PHLPP1: variants seen among roughly 807,000 people sequenced by gnomAD.
PHLPP1 encodes the protein PH domain leucine-rich repeat-containing protein phosphatase 1.
PHLPP1 carries 42 observed loss-of-function variants against 117.2 expected under a neutral mutation model. The ratio of observed to expected loss-of-function variants is 0.36; its 90% CI spans 0.28 to 0.46. The LOEUF (loss-of-function observed/expected upper bound fraction) is 0.46. Among genes scored for constraint, PHLPP1 ranks in the 20% least tolerant of loss-of-function variants. PHLPP1 has a pLI of 1.00. For missense variants in PHLPP1, 2,084 were observed against 2,241.9 expected (o/e 0.93, Z 1.42); for synonymous variants, 1,042 against 970.7 (o/e 1.07, Z -1.37).
chr18:62,868,449 C>T (rs1316596955), intron 4 of PHLPP1, among the ~76,000 whole-genome samples: 5 of 151,412 alleles, frequency 3.3e-5, no homozygotes, highest in East Asian at 3.9e-4. Flanking sequence ...TGGTGAAACC[C>T]GTCTCTACTA....
chr18:62,899,647 A>G (rs1354359962), intron 6 of PHLPP1, among the ~76,000 whole-genome samples: 1 of 152,170 alleles, frequency 6.6e-6, no homozygotes, highest in East Asian at 1.9e-4. Context: ...ACCTTGTTTT[A>G]TTCATCTCTT....
At chr18:62,938,423 C>G (rs1910035210) in intron 10 of PHLPP1, among the ~76,000 whole-genome samples, 1 of 152,160 alleles carries the variant, frequency 6.6e-6, no homozygotes, top group Non-Finnish European at 1.5e-5. Context: ...GAAATGTAGA[C>G]TATTAAACCA....
At position 62,978,672 on chromosome 18, in the gene PHLPP1, C is replaced by T. The variant is rs377385853; in HGVS notation, c.4395C>T (p.Gly1465=). The change falls in exon 17 of 17, where the codon GGC becomes GGT. Residue 1465 remains glycine, a synonymous_variant. Coordinates refer to ENST00000262719, the MANE Select transcript of PHLPP1 (RefSeq NM_194449.4). The surrounding 1 kb of genome is among the most constrained non-coding windows in gnomAD (Gnocchi z 7.0). ...AGGATCGGCCCTCAGATGGGCTGGG[C>T]GTGCCGTCCTCCAGCAGCGGCATGG... The part of the protein sequence containing the change: ...VIKDRPSDGL[G]VPSSSSGMAS... The T allele has an allele frequency of 7.4e-5, 120 of 1,613,844 alleles. No homozygotes were observed. The African/African-American group carries it at 1.2e-3, about 17-fold the overall frequency.
chr18:62,846,732 T>G (rs1915192581), intron 3 of PHLPP1, among the ~76,000 whole-genome samples: 1 of 152,220 alleles, frequency 6.6e-6, no homozygotes, highest in South Asian at 2.1e-4. Context: ...AGCAACAGTC[T>G]ATGAAGTTAG....
rs759777608 is a variant in PHLPP1, at chr18:62,903,002, A to T, written c.2483A>T (p.Asp828Val). The stretch of plus-strand genomic sequence containing the variant: ...AGGAAGCTGATAGCAGATGAAGTGG[A>T]CTTTCTACAGCATGTTACTCAGCTT... ...VIRKLIADEV[D>V]FLQHVTQLDL... Residue 828 changes from aspartate (D) to valine (V), a missense_variant, in exon 7 of 17, where the codon GAC becomes GTC. Physicochemically the swap from Asp to Val is radical, Grantham distance 152 (BLOSUM62 -3). Coordinates refer to ENST00000262719, the MANE Select transcript of PHLPP1 (RefSeq NM_194449.4). 2 of 1,613,028 alleles carry T rather than the reference A, an allele frequency of 1.2e-6. No individual in the cohort carries two copies. The highest frequency in any genetic ancestry group is 4.5e-5 in the East Asian group (2 of 44,866).
At chr18:62,815,073 G>A (rs1914227586) in intron 1 of PHLPP1, among the ~76,000 whole-genome samples, 1 of 152,030 alleles carries the variant, frequency 6.6e-6, no homozygotes, top group Admixed American at 6.6e-5. Flanking sequence ...TCTGGATCAG[G>A]GTCCATCTTG....
chr18:62,879,425 T>G (rs1916122373), intron 4 of PHLPP1, among the ~76,000 whole-genome samples: 1 of 152,108 alleles, frequency 6.6e-6, no homozygotes, highest in African/African-American at 2.4e-5. Flanking sequence ...TGTGTGTGTG[T>G]GTGTGTGTCA....
chr18:62,812,659 G>T (rs1914157476), intron 1 of PHLPP1, among the ~76,000 whole-genome samples: 1 of 151,988 alleles, frequency 6.6e-6, no homozygotes, highest in Non-Finnish European at 1.5e-5. Flanking sequence ...TTTCAGCGAA[G>T]TTCAGTTGTG....
intron 1 of PHLPP1, among the ~76,000 whole-genome samples, chr18:62,730,587 C>T (rs745892840): frequency 2.6e-5 from 4 of 151,930 alleles, no homozygotes; most frequent in Non-Finnish European, 4.4e-5. Flanking sequence ...TTTGGGAGGC[C>T]GAGGCAGGTG....
intron 2 of PHLPP1, among the ~76,000 whole-genome samples, chr18:62,837,119 G>A (rs975867352): frequency 6.6e-6 from 1 of 152,164 alleles, no homozygotes; most frequent in African/African-American, 2.4e-5. Context: ...AGTAGCTATA[G>A]GACTACAAGG....
At chr18:62,858,784 A>AT (rs1011757400) in intron 3 of PHLPP1, among the ~76,000 whole-genome samples, 21 of 151,912 alleles carry the variant, frequency 1.4e-4, no homozygotes, top group Admixed American at 8.5e-4. Flanking sequence ...ATCTAAAAAT[A>AT]TTTTTTTTAA....
At chr18:62,876,571 T>C (rs1599097463) in intron 4 of PHLPP1, among the ~76,000 whole-genome samples, 1 of 152,352 alleles carries the variant, frequency 6.6e-6, no homozygotes, top group East Asian at 1.9e-4. Flanking sequence ...TTGTTGGTTT[T>C]CCCACCACCA....
At position 62,772,830 on chromosome 18, in the gene PHLPP1, C is replaced by CAAAAAAAAAAAAAAAAAA. The variant is rs59776161; in HGVS notation, c.1576+55573_1576+55590dup. On this transcript the variant is annotated intron_variant, in intron 1 of 16. Transcript: ENST00000262719. ...TGGGCTACTAAGCAAGACTCTTTCTCAAAAAAAAAAAAAAAAAAAGATTTT... is the reference window on the plus strand; with the variant it reads ...TGGGCTACTAAGCAAGACTCTTTCTCAAAAAAAAAAAAAAAAAAAAAAAAAAAAAAAAAAAAAGATTTT... 2.5e-4 allele frequency among the ~76,000 whole-genome samples: 15 copies of CAAAAAAAAAAAAAAAAAA among 61,040 alleles called. 1 individual carries two copies. Among genetic ancestry groups the CAAAAAAAAAAAAAAAAAA allele is most frequent in the Middle Eastern group, 8.1e-3 (1 of 124 alleles). 40.0% of individuals were successfully genotyped at this position (61,040 alleles called of 152,430 possible).
At chr18:62,948,824 A>T (rs1004696645) in intron 12 of PHLPP1, among the ~76,000 whole-genome samples, 26 of 152,046 alleles carry the variant, frequency 1.7e-4, no homozygotes, top group Admixed American at 1.3e-4. Context: ...CTCTGAATTG[A>T]TATTTTTGTG....
chr18:62,790,564 A>G (rs1026157638), intron 1 of PHLPP1, among the ~76,000 whole-genome samples: 3 of 152,018 alleles, frequency 2.0e-5, no homozygotes, highest in African/African-American at 7.3e-5. Context: ...ATACCACATG[A>G]CTCCCAAGTT....
chr18:62,868,907 T>A (rs1321890621), intron 4 of PHLPP1, among the ~76,000 whole-genome samples: 1 of 152,160 alleles, frequency 6.6e-6, no homozygotes, highest in African/African-American at 2.4e-5. Context: ...TCTCAGAAAA[T>A]GAGTATATTA....
intron 10 of PHLPP1, among the ~76,000 whole-genome samples, chr18:62,931,878 G>GAAAAAAAAAAAAAAAAAAA (rs61550621): frequency 2.6e-5 from 2 of 76,472 alleles, no homozygotes; most frequent in Non-Finnish European, 2.3e-5. Flanking sequence ...CTGGGCGACA[G>GAAAAAAAAAAAAAAAAAAA]AAAAAAAAAA....
chr18:62,916,747 C>CTTTTT (rs10538704), intron 9 of PHLPP1, among the ~76,000 whole-genome samples: 1,325 of 71,084 alleles, frequency 0.019, 125 homozygotes, highest in African/African-American at 0.046. Context: ...TCCTTCTATT[C>CTTTTT]TTTTTTTTTT....
chr18:62,782,546 C>T (rs925278189), intron 1 of PHLPP1, among the ~76,000 whole-genome samples: 2 of 152,112 alleles, frequency 1.3e-5, no homozygotes, highest in Non-Finnish European at 2.9e-5. Context: ...ATATTATATA[C>T]AAATTTAATT....
Sources: allele counts gnomAD v4.1 joint callset (sites outside exome capture counted in the v4.1 genomes callset), GRCh38; gene constraint gnomAD v4.1.1; non-coding constraint Gnocchi (gnomAD v3.1); transcripts MANE v1.5; gene names NCBI Gene and HGNC (gene_info 2026-07-23, HGNC 2026-07-21).